Variants in KANTR observed in about 807,000 individuals in gnomAD.
KANTR encodes KANTR integral membrane protein.
At chrX:53,143,124 G>A, downstream of KANTR, 1 of 1,128,824 alleles carries the variant, frequency 8.9e-7, no homozygotes. Flanking sequence ...TGCCCAAGAA[G>A]GAAGGCTGGA....
At chrX:53,122,541 T>C (rs1400101653) in intron 2 of KANTR, among the ~76,000 whole-genome samples, 3 of 111,805 alleles carry the variant, frequency 2.7e-5, no homozygotes, top group Admixed American at 1.9e-4. Flanking sequence ...AACTTTTCCC[T>C]ATTAAGAATG....
At chrX:53,145,785 C>T (rs188739545), downstream of KANTR, among the ~76,000 whole-genome samples, 44 of 112,059 alleles carry the variant, frequency 3.9e-4, no homozygotes, top group East Asian at 0.011. Flanking sequence ...CGGCCGGGTA[C>T]TTCTCTGAGA....
chrX:53,120,927 G>A (rs1484525111), intron 2 of KANTR, among the ~76,000 whole-genome samples: 1 of 110,053 alleles, frequency 9.1e-6, no homozygotes, highest in East Asian at 2.8e-4. Context: ...TCACCATGTT[G>A]GCCAGGCTGA....
At chrX:53,122,501 CTTG>C (rs1317080588) in intron 2 of KANTR, among the ~76,000 whole-genome samples, 1 of 111,180 alleles carries the variant, frequency 9.0e-6, no homozygotes, top group African/African-American at 3.3e-5. Flanking sequence ...GCATCTGTGT[CTTG>C]TTGTGTATTT....
chrX:53,098,467 C>T (rs1302377147), intron 1 of KANTR, among the ~76,000 whole-genome samples: 3 of 111,277 alleles, frequency 2.7e-5, no homozygotes, highest in East Asian at 2.8e-4. Context: ...AAGTTTGGCA[C>T]GTCGACTCTT....
At chrX:53,105,408 T>C (rs1932936404) in intron 2 of KANTR, among the ~76,000 whole-genome samples, 1 of 111,986 alleles carries the variant, frequency 8.9e-6, no homozygotes, top group Admixed American at 9.6e-5. Flanking sequence ...TATATGCTTG[T>C]ATATCTTTGG....
intron 1 of KANTR, among the ~76,000 whole-genome samples, chrX:53,098,924 T>A (rs1932867203): frequency 1.8e-5 from 2 of 111,050 alleles, no homozygotes; most frequent in Non-Finnish European, 3.8e-5. Flanking sequence ...GGGGTCTTGT[T>A]GTGTTGTCCA....
At chrX:53,118,884 A>T (rs782692952) in intron 2 of KANTR, among the ~76,000 whole-genome samples, 5 of 111,132 alleles carry the variant, frequency 4.5e-5, no homozygotes, top group Admixed American at 9.6e-5. Context: ...AGAATTATAG[A>T]TGTGCATCAC....
chrX:53,115,425 C>G lies in KANTR; in HGVS notation c.-804-8044C>G, dbSNP rs1437754249. 2.7e-5 allele frequency among the ~76,000 whole-genome samples: 3 copies of G among 111,419 alleles called. No individual in the cohort carries two copies. In the Admixed American group the frequency reaches 2.8e-4, roughly 10 times the overall value. ...CCCATGCTGGGGATGGTCTGGGACCCACGGCCACCTGGGCTGGCCTGGCCC... is the reference window on the plus strand; with the variant it reads ...CCCATGCTGGGGATGGTCTGGGACCGACGGCCACCTGGGCTGGCCTGGCCC... On this transcript the variant is annotated intron_variant, in intron 2 of 2. Coordinates refer to ENST00000604062, the Ensembl canonical transcript of KANTR.
At chrX:53,106,192 G>A (rs1406449686) in intron 2 of KANTR, among the ~76,000 whole-genome samples, 1 of 109,805 alleles carries the variant, frequency 9.1e-6, no homozygotes, top group East Asian at 2.8e-4. Context: ...CTCCCATTCT[G>A]TGGGTTCTTT....
At chrX:53,102,986 T>G (rs1266605881) in intron 2 of KANTR, among the ~76,000 whole-genome samples, 1 of 12,803 alleles carries the variant, frequency 7.8e-5, no homozygotes, top group African/African-American at 1.5e-4. Flanking sequence ...TTTTGTTTGT[T>G]TTTTTTTTTT....
At chrX:53,130,494 G>A (rs1449788144), downstream of KANTR, among the ~76,000 whole-genome samples, 1 of 112,062 alleles carries the variant, frequency 8.9e-6, no homozygotes, top group Non-Finnish European at 1.9e-5. Context: ...TGTTACAGCT[G>A]TTTTAGAATT....
chrX:53,143,365 TG>T, downstream of KANTR: 1 of 747,708 alleles, frequency 1.3e-6, no homozygotes, highest in South Asian at 2.4e-5. Context: ...GGTCAGGTCC[TG>T]GCCAGCCAGG....
rs940401014 is a variant in KANTR, at chrX:53,107,597, G to A, written c.-805+7989G>A. Among the ~76,000 whole-genome samples the A allele has an allele frequency of 2.9e-4, 32 of 109,424 alleles. 3 individuals are homozygous for A. The highest frequency in any genetic ancestry group is 1.1e-3 in the African/African-American group (32 of 29,289). ...TAGATGTTTAATTTCTTTCAGGAGT[G>A]TTTTATAGTTTTCAGTATACAAGTC... On this transcript the variant is annotated intron_variant, in intron 2 of 2. Coordinates refer to ENST00000604062, the Ensembl canonical transcript of KANTR.
At chrX:53,094,517 C>G (rs1030683159) in intron 1 of KANTR, 1 of 111,716 alleles carries the variant, frequency 9.0e-6, no homozygotes, top group Non-Finnish European at 1.9e-5. Context: ...GCTGCCCTCC[C>G]GCGGCCCCAC....
downstream of KANTR, among the ~76,000 whole-genome samples, chrX:53,146,264 C>G (rs1324038799): frequency 2.7e-5 from 3 of 111,455 alleles, no homozygotes; most frequent in Non-Finnish European, 5.6e-5. Flanking sequence ...AGACAAATCA[C>G]TAACTAGAAT....
At chrX:53,115,227 G>A (rs782494451) in intron 2 of KANTR, among the ~76,000 whole-genome samples, 5 of 112,632 alleles carry the variant, frequency 4.4e-5, no homozygotes, top group Admixed American at 9.3e-5. Flanking sequence ...TGGAACCTAA[G>A]GTGGGCCTGG....
downstream of KANTR, chrX:53,143,967 G>A (rs781866809): frequency 7.1e-6 from 2 of 283,376 alleles, no homozygotes; most frequent in Non-Finnish European, 6.5e-6. Flanking sequence ...CGGTGTGGGG[G>A]CTGGTGGCAG....
At chrX:53,128,092 T>G (rs1250885616), downstream of KANTR, among the ~76,000 whole-genome samples, 1 of 111,827 alleles carries the variant, frequency 8.9e-6, no homozygotes, top group Non-Finnish European at 1.9e-5. Context: ...CTGGCTCCAG[T>G]GTTTCTGCCT....
Sources: gnomAD v4.1 joint callset for allele counts (sites outside exome capture counted in the v4.1 genomes callset) on GRCh38, gnomAD v4.1.1 for gene constraint, MANE v1.5 for transcripts, NCBI Gene and HGNC (gene_info 2026-07-23, HGNC 2026-07-21) for gene names.